Variants in SSBP2 observed in about 807,000 individuals in gnomAD.
The protein encoded by SSBP2 is single-stranded DNA-binding protein 2.
In SSBP2, 17 loss-of-function variants were observed where a neutral mutation model predicts 61.8. The ratio of observed to expected loss-of-function variants is 0.28; its 90% CI spans 0.19 to 0.41. SSBP2 has a LOEUF of 0.41. SSBP2 is among the 10% of genes least tolerant of loss of function. SSBP2 has a pLI of 1.00. For synonymous variants in SSBP2, 139 were observed against 141.3 expected (o/e 0.98, Z 0.12); for missense variants, 310 against 458.7 (o/e 0.68, Z 2.96).
chr5:81,458,830 C>T (rs994507191), intron 10 of SSBP2, among the ~76,000 whole-genome samples: 4 of 152,068 alleles, frequency 2.6e-5, no homozygotes, highest in Non-Finnish European at 5.9e-5. Context: ...GCTAGAAAGT[C>T]GTCAGTTATC....
At chr5:81,629,089 C>A (rs1244414847) in intron 3 of SSBP2, among the ~76,000 whole-genome samples, 2 of 152,044 alleles carry the variant, frequency 1.3e-5, no homozygotes, top group African/African-American at 4.8e-5. Context: ...CAGGTTCAAG[C>A]GATTCACCCA....
intron 13 of SSBP2, 137 bp downstream of exon 13, chr5:81,442,516 A>C (rs1020905320): frequency 1.8e-6 from 1 of 543,608 alleles, no homozygotes; most frequent in Non-Finnish European, 3.3e-6. Context: ...CTCAGAGAAA[A>C]GAATTTGACT....
rs142418271 is a variant in SSBP2 at position 81,609,595 on chromosome 5, T to C, written c.282+5878A>G. On this transcript the variant is annotated intron_variant, in intron 4 of 16. Transcript: ENST00000320672. ...TATTCAAAAAAAGTTAATAAACAAA[T>C]GATAGAAGTGACAGTGCATCCCTGG... Among the ~76,000 whole-genome samples, 49 of 152,238 alleles carry C rather than the reference T, an allele frequency of 3.2e-4. No individual in the cohort carries two copies. The Middle Eastern group carries it at 0.01, about 32-fold the overall frequency.
chr5:81,747,632 GA>G (rs1043946561), intron 1 of SSBP2, among the ~76,000 whole-genome samples: 10 of 152,008 alleles, frequency 6.6e-5, no homozygotes, highest in African/African-American at 2.4e-4. Flanking sequence ...TTTTTACATT[GA>G]AAAAATTCCT....
At chr5:81,599,931 T>C (rs1018574063) in intron 4 of SSBP2, among the ~76,000 whole-genome samples, 4 of 152,216 alleles carry the variant, frequency 2.6e-5, no homozygotes, top group South Asian at 4.1e-4. Context: ...TGTGTTTTTA[T>C]GTTAGGGCAC....
At chr5:81,672,949 G>A (rs973405285) in intron 1 of SSBP2, among the ~76,000 whole-genome samples, 5 of 150,010 alleles carry the variant, frequency 3.3e-5, no homozygotes, top group East Asian at 2.0e-4. Context: ...CGATTCTCAC[G>A]CCTCAGCCTC....
At chr5:81,434,633 C>CAAAAA (rs34269591) in intron 15 of SSBP2, among the ~76,000 whole-genome samples, 455 of 42,910 alleles carry the variant, frequency 0.011, 26 homozygotes, top group Non-Finnish European at 0.013. Context: ...ACTCTTGACT[C>CAAAAA]AAAAAAAAAA....
At chr5:81,710,681 C>G in intron 1 of SSBP2, 1 of 453,130 alleles carries the variant, frequency 2.2e-6, no homozygotes. Context: ...ACATTACCTC[C>G]AATATAATAC....
chr5:81,623,751 C>A (rs1746866250), intron 3 of SSBP2, among the ~76,000 whole-genome samples: 1 of 152,020 alleles, frequency 6.6e-6, no homozygotes, highest in Non-Finnish European at 1.5e-5. Context: ...ATAATTATTT[C>A]TAAATATATA....
At chr5:81,697,365 G>A (rs1301344111) in intron 1 of SSBP2, among the ~76,000 whole-genome samples, 5 of 152,180 alleles carry the variant, frequency 3.3e-5, no homozygotes, top group Non-Finnish European at 7.3e-5. Flanking sequence ...GTCTAGATTG[G>A]TTGTTTTTAG....
chr5:81,526,513 G>A lies in SSBP2; in HGVS notation c.283-12796C>T, dbSNP rs528365037. Among the ~76,000 whole-genome samples the A allele has an allele frequency of 2.0e-5, 3 of 151,976 alleles. No individual in the cohort carries two copies. The South Asian group carries it at 6.2e-4, about 32-fold the overall frequency. ...TTGGTATAGTGTTATGAAATACTGA[G>A]TAATAAGACTAGATAACATATTTTG... On this transcript the variant is annotated intron_variant, in intron 4 of 16. Transcript: ENST00000320672.
intron 4 of SSBP2, among the ~76,000 whole-genome samples, chr5:81,568,033 G>C (rs939979340): frequency 6.6e-6 from 1 of 152,148 alleles, no homozygotes; most frequent in Non-Finnish European, 1.5e-5. Context: ...ATGAGACTTT[G>C]GACTGTGGAC....
intron 3 of SSBP2, among the ~76,000 whole-genome samples, chr5:81,628,089 C>T (rs1221787300): frequency 1.3e-5 from 2 of 151,888 alleles, no homozygotes; most frequent in Non-Finnish European, 2.9e-5. Context: ...TACTTGTCTG[C>T]TCTCAAGCTG....
intron 4 of SSBP2, among the ~76,000 whole-genome samples, chr5:81,554,275 T>C (rs966418673): frequency 6.6e-6 from 1 of 152,012 alleles, no homozygotes; most frequent in Non-Finnish European, 1.5e-5. Flanking sequence ...CCTTAAAAAA[T>C]TCTGTAACAT....
At chr5:81,531,140 A>C (rs1354089073) in intron 4 of SSBP2, among the ~76,000 whole-genome samples, 1 of 149,536 alleles carries the variant, frequency 6.7e-6, no homozygotes, top group Non-Finnish European at 1.5e-5. Context: ...AGGAAGGCTG[A>C]GGTGGGTGAA....
chr5:81,682,929 T>C (rs1475374181), intron 1 of SSBP2, among the ~76,000 whole-genome samples: 14 of 152,010 alleles, frequency 9.2e-5, no homozygotes, highest in Non-Finnish European at 2.1e-4. Context: ...ACCCTAGAAA[T>C]GAGATACACA....
chr5:81,604,736 C>T (rs1744711894), intron 4 of SSBP2, among the ~76,000 whole-genome samples: 1 of 152,098 alleles, frequency 6.6e-6, no homozygotes, highest in Non-Finnish European at 1.5e-5. Context: ...AGAGTAAGTT[C>T]AATTTGGCCA....
chr5:81,673,838 T>G (rs1751767776), intron 1 of SSBP2, among the ~76,000 whole-genome samples: 1 of 152,180 alleles, frequency 6.6e-6, no homozygotes, highest in Admixed American at 6.6e-5. Flanking sequence ...ACCAAAGACC[T>G]TGTCTGTAAC....
At chr5:81,683,577 G>T (rs1055869365) in intron 1 of SSBP2, among the ~76,000 whole-genome samples, 16 of 152,138 alleles carry the variant, frequency 1.1e-4, no homozygotes, top group African/African-American at 3.9e-4. Context: ...ATATGGCAAT[G>T]ACTTTTTAGA....
Sources: allele counts gnomAD v4.1 joint callset (sites outside exome capture counted in the v4.1 genomes callset), GRCh38; gene constraint gnomAD v4.1.1; transcripts MANE v1.5; gene names NCBI Gene and HGNC (gene_info 2026-07-23, HGNC 2026-07-21).